SPAG16: variants seen among roughly 807,000 people sequenced by gnomAD.
SPAG16 encodes sperm associated antigen 16.
In SPAG16, 86 loss-of-function variants were observed where a neutral mutation model predicts 80.4. The observed-to-expected ratio is 1.07, with a 90% CI of 0.90 to 1.28. SPAG16 has a LOEUF of 1.28. Among genes scored for constraint, SPAG16 ranks in the 50% most tolerant of loss-of-function variants. The pLI, the probability that SPAG16 is intolerant of heterozygous loss-of-function variation, is 0.00. For synonymous variants in SPAG16, 294 were observed against 265.9 expected (o/e 1.11, Z -1.03); for missense variants, 870 against 765.3 (o/e 1.14, Z -1.61).
chr2:214,062,366 C>G (rs1013594244), intron 13 of SPAG16, among the ~76,000 whole-genome samples: 3 of 137,738 alleles, frequency 2.2e-5, no homozygotes, highest in Admixed American at 8.1e-5. Context: ...TTGCAGTGAG[C>G]TGAGATCGTG....
intron 14 of SPAG16, among the ~76,000 whole-genome samples, chr2:214,142,100 T>A (rs1055703593): frequency 6.6e-6 from 1 of 151,850 alleles, no homozygotes; most frequent in Non-Finnish European, 1.5e-5. Flanking sequence ...GTGTCTACAA[T>A]CTAGCTAAAT....
chr2:213,820,907 C>T (rs1237853999), intron 10 of SPAG16, among the ~76,000 whole-genome samples: 2 of 152,016 alleles, frequency 1.3e-5, no homozygotes, highest in East Asian at 3.8e-4. Context: ...TAAATGTGTA[C>T]TAAGTTTGCC....
intron 8 of SPAG16, among the ~76,000 whole-genome samples, chr2:213,373,048 C>T (rs1169508915): frequency 1.3e-5 from 2 of 152,058 alleles, no homozygotes; most frequent in African/African-American, 4.8e-5. Context: ...AGTATGCATG[C>T]CTTAAAATGT....
At chr2:213,581,059 TC>T (rs1398191108) in intron 10 of SPAG16, among the ~76,000 whole-genome samples, 2 of 152,136 alleles carry the variant, frequency 1.3e-5, no homozygotes, top group Admixed American at 6.6e-5. Context: ...TAGTACCCAG[TC>T]TTACAAGTTA....
intron 15 of SPAG16, among the ~76,000 whole-genome samples, chr2:214,298,398 T>G (rs762323105): frequency 4.6e-5 from 7 of 152,086 alleles, no homozygotes; most frequent in African/African-American, 1.2e-4. Context: ...ATAAGGAGGA[T>G]GATGATGAAA....
At chr2:213,429,867 A>C (rs1360171046) in intron 9 of SPAG16, among the ~76,000 whole-genome samples, 1 of 152,222 alleles carries the variant, frequency 6.6e-6, no homozygotes, top group Non-Finnish European at 1.5e-5. Flanking sequence ...TAAATTCAAA[A>C]ATAAGAAGTG....
chr2:213,503,699 C>A (rs2074847211), intron 10 of SPAG16, among the ~76,000 whole-genome samples: 1 of 152,106 alleles, frequency 6.6e-6, no homozygotes, highest in Non-Finnish European at 1.5e-5. Context: ...AATCATTAAA[C>A]AAGAACAATT....
intron 10 of SPAG16, among the ~76,000 whole-genome samples, chr2:213,822,270 T>C (rs1420737086): frequency 6.6e-6 from 1 of 152,234 alleles, no homozygotes; most frequent in Non-Finnish European, 1.5e-5. Context: ...TATCTCATTG[T>C]AGTTTTGATG....
At chr2:213,710,050 C>T (rs561982200) in intron 10 of SPAG16, among the ~76,000 whole-genome samples, 3 of 152,120 alleles carry the variant, frequency 2.0e-5, no homozygotes, top group Admixed American at 6.5e-5. Context: ...GGGCGGATCA[C>T]GAGGCAGGCA....
At chr2:214,292,862 C>T (rs1693895029) in intron 15 of SPAG16, among the ~76,000 whole-genome samples, 1 of 152,044 alleles carries the variant, frequency 6.6e-6, no homozygotes, top group East Asian at 1.9e-4. Flanking sequence ...GAACTTTGGC[C>T]TCAATTTTGA....
intron 13 of SPAG16, among the ~76,000 whole-genome samples, chr2:214,044,677 A>G (rs2125107112): frequency 6.6e-6 from 1 of 152,312 alleles, no homozygotes; most frequent in Admixed American, 6.5e-5. Flanking sequence ...CCCCTCCTTC[A>G]TCCCCTGGCA....
At chr2:213,915,777 C>A (rs576693438) in intron 11 of SPAG16, among the ~76,000 whole-genome samples, 2 of 152,288 alleles carry the variant, frequency 1.3e-5, no homozygotes, top group East Asian at 1.9e-4. Context: ...TCCTCTCCAG[C>A]ATCTGTTGTT....
chr2:214,288,931 G>C (rs1693588643), intron 15 of SPAG16, among the ~76,000 whole-genome samples: 1 of 152,010 alleles, frequency 6.6e-6, no homozygotes, highest in Non-Finnish European at 1.5e-5. Flanking sequence ...ATCACGCCCG[G>C]CTAATATTTT....
chr2:213,323,590 A>C (rs1294985886), intron 5 of SPAG16, among the ~76,000 whole-genome samples: 1 of 152,198 alleles, frequency 6.6e-6, no homozygotes, highest in Admixed American at 6.5e-5. Flanking sequence ...AATTCAAACT[A>C]CCATATGATC....
At chr2:214,141,488 A>G (rs1216601896) in intron 14 of SPAG16, among the ~76,000 whole-genome samples, 1 of 151,902 alleles carries the variant, frequency 6.6e-6, no homozygotes, top group Non-Finnish European at 1.5e-5. Flanking sequence ...AACCAAAAAA[A>G]TTACTGATTT....
intron 11 of SPAG16, among the ~76,000 whole-genome samples, chr2:213,864,367 C>G (rs1299498992): frequency 6.6e-6 from 1 of 151,880 alleles, no homozygotes; most frequent in East Asian, 1.9e-4. Flanking sequence ...AATATATTTC[C>G]TATCTCATGG....
At chr2:213,908,657 C>T (rs1218612254) in intron 11 of SPAG16, among the ~76,000 whole-genome samples, 1 of 151,942 alleles carries the variant, frequency 6.6e-6, no homozygotes, top group East Asian at 1.9e-4. Context: ...TTCTAGATTG[C>T]TAAACAAAGG....
At chr2:214,179,253 T>A (rs1467123876) in intron 15 of SPAG16, among the ~76,000 whole-genome samples, 1 of 151,480 alleles carries the variant, frequency 6.6e-6, no homozygotes, top group Admixed American at 6.6e-5. Context: ...CCTGCATTGT[T>A]TCCATTGAGT....
At chr2:214,196,980 T>C (rs940638838) in intron 15 of SPAG16, among the ~76,000 whole-genome samples, 1 of 151,972 alleles carries the variant, frequency 6.6e-6, no homozygotes, top group Non-Finnish European at 1.5e-5. Flanking sequence ...CAGCTTCTTA[T>C]GATAATGTAT....
Sources: gnomAD v4.1 joint callset for allele counts (sites outside exome capture counted in the v4.1 genomes callset) on GRCh38, gnomAD v4.1.1 for gene constraint, MANE v1.5 for transcripts, NCBI Gene and HGNC (gene_info 2026-07-23, HGNC 2026-07-21) for gene names.